The following ADK variants were observed in gnomAD, a reference collection of about 807,000 sequenced individuals.
The protein encoded by ADK is adenosine kinase.
Under a neutral mutation model 44.7 loss-of-function variants are expected in ADK, and 24 were observed. That is an observed-to-expected ratio of 0.54 (90% CI 0.39 to 0.76). The LOEUF is 0.76. Among genes scored for constraint, ADK ranks in the 30% least tolerant of loss-of-function variants. The probability of loss-of-function intolerance (pLI) is 0.00; values close to 1 mark genes in which losing one functional copy is unlikely to be tolerated. For synonymous variants in ADK, 128 were observed against 142.6 expected, an observed-to-expected ratio of 0.90 and a Z score of 0.73; for missense variants, 321 against 425.1, an observed-to-expected ratio of 0.76 and a Z score of 2.15.
intron 4 of ADK, among the ~76,000 whole-genome samples, chr10:74,378,064 T>A (rs891760023): frequency 6.6e-6 from 1 of 151,640 alleles, no homozygotes; most frequent in South Asian, 2.1e-4. Flanking sequence ...TTTTTTTTTT[T>A]TAATCTATGA....
intron 1 of ADK, among the ~76,000 whole-genome samples, chr10:74,163,490 G>A (rs11813221): frequency 0.031 from 4,791 of 152,272 alleles, 103 homozygotes; most frequent in Non-Finnish European, 0.045. Context: ...CACAAGCATG[G>A]AAGGTCAGTA....
chr10:74,543,136 G>A lies in ADK; in HGVS notation c.726+17710G>A, dbSNP rs932941240. Among the ~76,000 whole-genome samples, 17 of 151,502 alleles carry A rather than the reference G, an allele frequency of 1.1e-4. No homozygotes were observed. The South Asian group carries it at 1.7e-3, about 15-fold the overall frequency. On this transcript the variant is annotated intron_variant, in intron 7 of 10. Transcript: ENST00000539909. Reference sequence around the variant, plus strand: ...AGGCTGGTCTTGATCTCCTGTCCTCGTGATCCTCCCGCCTTGGCCTCCCAA... The same window carrying A: ...AGGCTGGTCTTGATCTCCTGTCCTCATGATCCTCCCGCCTTGGCCTCCCAA...
chr10:74,523,415 T>C (rs1848917110), intron 6 of ADK, among the ~76,000 whole-genome samples: 1 of 152,184 alleles, frequency 6.6e-6, no homozygotes, highest in Non-Finnish European at 1.5e-5. Flanking sequence ...TCTTAAAATT[T>C]CCCTTGCTTA....
chr10:74,441,378 A>G (rs1463420418), intron 6 of ADK, among the ~76,000 whole-genome samples: 1 of 152,226 alleles, frequency 6.6e-6, no homozygotes, highest in Non-Finnish European at 1.5e-5. Context: ...ATGACCCAGC[A>G]ATTCCACTTT....
intron 8 of ADK, among the ~76,000 whole-genome samples, chr10:74,594,378 T>G (rs192087573): frequency 2.1e-4 from 29 of 140,082 alleles, no homozygotes; most frequent in Admixed American, 1.1e-3. Context: ...GTAATTCAAA[T>G]GAAGTGTGTG....
chr10:74,239,162 GTTAC>G (rs1845095531), intron 3 of ADK, among the ~76,000 whole-genome samples: 1 of 151,724 alleles, frequency 6.6e-6, no homozygotes, highest in Non-Finnish European at 1.5e-5. Context: ...TTCTCCTGCA[GTTAC>G]TTATTTTTTT....
intron 9 of ADK, among the ~76,000 whole-genome samples, chr10:74,636,010 C>A (rs1039164279): frequency 6.6e-6 from 1 of 151,894 alleles, no homozygotes; most frequent in Non-Finnish European, 1.5e-5. Context: ...GTTCGTGGAG[C>A]CCAGGAGTTC....
Position 74,675,825 on chromosome 10 carries a change from C to T in ADK, c.964+5556C>T, listed in dbSNP as rs115759987. Among the ~76,000 whole-genome samples, 652 of 152,152 alleles carry T rather than the reference C, an allele frequency of 4.3e-3. 2 individuals are homozygous for T. The highest frequency in any genetic ancestry group is 0.014 in the African/African-American group (578 of 41,510). The stretch of plus-strand genomic sequence containing the variant: ...CATAACAAATAACATGAAAGAGGAC[C>T]TAATCAATATGTTCCCACTGGGCTG... On this transcript the variant is annotated intron_variant, in intron 10 of 10. Coordinates refer to ENST00000539909, the MANE Select transcript of ADK (RefSeq NM_006721.4).
chr10:74,240,975 T>C (rs1262308241), intron 3 of ADK, among the ~76,000 whole-genome samples: 1 of 152,246 alleles, frequency 6.6e-6, no homozygotes, highest in African/African-American at 2.4e-5. Context: ...GTCTGTTAAC[T>C]GTCTTCTTTG....
chr10:74,256,022 G>C (rs1487956946), intron 3 of ADK, among the ~76,000 whole-genome samples: 1 of 152,078 alleles, frequency 6.6e-6, no homozygotes, highest in Non-Finnish European at 1.5e-5. Flanking sequence ...AAATCCTTTG[G>C]GTGTTGTAAT....
intron 1 of ADK, among the ~76,000 whole-genome samples, chr10:74,192,583 G>C (rs1481414884): frequency 6.6e-6 from 1 of 150,726 alleles, no homozygotes; most frequent in Non-Finnish European, 1.5e-5. Context: ...TCAGGCCAGA[G>C]TGTATTGGCA....
At chr10:74,366,168 A>G (rs945336054) in intron 4 of ADK, among the ~76,000 whole-genome samples, 3 of 152,172 alleles carry the variant, frequency 2.0e-5, no homozygotes, top group Admixed American at 6.5e-5. Flanking sequence ...GATGTTATCT[A>G]TTATTATAGT....
intron 10 of ADK, among the ~76,000 whole-genome samples, chr10:74,694,415 T>C (rs886173102): frequency 6.6e-6 from 1 of 151,754 alleles, no homozygotes; most frequent in Admixed American, 6.6e-5. Context: ...AAGAAACTTA[T>C]TTATTTAATT....
chr10:74,319,000 G>A (rs1840723307), intron 4 of ADK, among the ~76,000 whole-genome samples: 1 of 112,022 alleles, frequency 8.9e-6, no homozygotes, highest in Non-Finnish European at 2.4e-5. Flanking sequence ...ACCTTTGACT[G>A]TATTACGTTT....
chr10:74,195,459 A>G (rs1288606122), intron 1 of ADK, among the ~76,000 whole-genome samples: 1 of 152,000 alleles, frequency 6.6e-6, no homozygotes, highest in Non-Finnish European at 1.5e-5. Flanking sequence ...TACTATTTCA[A>G]GATATCTTTT....
intron 4 of ADK, among the ~76,000 whole-genome samples, chr10:74,324,642 A>C (rs1479130801): frequency 2.6e-5 from 4 of 152,006 alleles, no homozygotes; most frequent in African/African-American, 9.7e-5. Flanking sequence ...CATTTTATTT[A>C]TTCATTCATT....
At chr10:74,445,211 CCTT>C (rs1464707114) in intron 6 of ADK, among the ~76,000 whole-genome samples, 2 of 151,876 alleles carry the variant, frequency 1.3e-5, no homozygotes, top group Admixed American at 1.3e-4. Flanking sequence ...GTTGAAAAGA[CCTT>C]CTGTTAAAAT....
At chr10:74,620,910 T>C (rs1852971712) in intron 9 of ADK, among the ~76,000 whole-genome samples, 1 of 152,116 alleles carries the variant, frequency 6.6e-6, no homozygotes, top group African/African-American at 2.4e-5. Flanking sequence ...TATTTGTTTG[T>C]TTGTTTTTTT....
intron 9 of ADK, chr10:74,655,638 C>T (rs1483943321): frequency 4.5e-6 from 2 of 442,006 alleles, no homozygotes; most frequent in Non-Finnish European, 9.0e-6. Context: ...AAGATAAAGG[C>T]TCCTTCCAGA....
Sources: allele counts gnomAD v4.1 joint callset (sites outside exome capture counted in the v4.1 genomes callset), GRCh38; gene constraint gnomAD v4.1.1; transcripts MANE v1.5; gene names NCBI Gene and HGNC (gene_info 2026-07-23, HGNC 2026-07-21).